Variants in FNDC3A observed in about 807,000 individuals in gnomAD.
The protein encoded by FNDC3A is fibronectin type-III domain-containing protein 3A.
Under a neutral mutation model 148.9 loss-of-function variants are expected in FNDC3A, and 32 were observed. The observed-to-expected ratio is 0.21, with a 90% CI of 0.16 to 0.29. FNDC3A has a LOEUF of 0.29. FNDC3A is among the 10% of genes least tolerant of loss of function. FNDC3A has a pLI of 1.00. For missense variants in FNDC3A, 1,191 were observed against 1,452.8 expected (o/e 0.82, Z 2.93); for synonymous variants, 472 against 473.6 (o/e 1.00, Z 0.04).
chr13:49,191,785 C>T (rs893184035), intron 19 of FNDC3A, among the ~76,000 whole-genome samples: 1 of 152,032 alleles, frequency 6.6e-6, no homozygotes, highest in South Asian at 2.1e-4. Context: ...CATTTACTTT[C>T]AGTTGGCAAC....
chr13:49,114,807 T>C, intron 4 of FNDC3A, 76 bp downstream of exon 4: 1 of 1,071,352 alleles, frequency 9.3e-7, no homozygotes, highest in East Asian at 2.4e-5. Flanking sequence ...TTGATTTTGA[T>C]TTAAAAAAAC....
chr13:49,200,456 T>C (rs1217287421), intron 23 of FNDC3A, among the ~76,000 whole-genome samples: 1 of 152,164 alleles, frequency 6.6e-6, no homozygotes, highest in African/African-American at 2.4e-5. Flanking sequence ...ATTTGCCTTG[T>C]ACAGGTTTTT....
chr13:48,987,230 A>T (rs1951823692), intron 1 of FNDC3A, among the ~76,000 whole-genome samples: 1 of 152,252 alleles, frequency 6.6e-6, no homozygotes, highest in Non-Finnish European at 1.5e-5. Flanking sequence ...TGCTCCAAAG[A>T]CACTAGACAG....
At chr13:49,185,697 C>T (rs1885531780) in intron 14 of FNDC3A, among the ~76,000 whole-genome samples, 1 of 152,092 alleles carries the variant, frequency 6.6e-6, no homozygotes, top group Non-Finnish European at 1.5e-5. Flanking sequence ...TAGCTTGTTC[C>T]TCTGATTCTT....
chr13:49,198,074 A>C lies in FNDC3A; in HGVS notation c.2583A>C (p.Glu861Asp). ...CTGGCATTGTGACCTGTCTTCAAGA[A>C]ATAAGCGATGATGAGATAGAAAATC... is the stretch of plus-strand genomic sequence containing the variant. ...SVPGIVTCLQ[E>D]ISDDEIENPH... is the part of the protein sequence containing the mutation. Residue 861 changes from glutamate (E) to aspartate (D), a missense_variant, in exon 22 of 26, where the codon GAA (glutamate) becomes GAC (aspartate). Physicochemically the swap from Glu to Asp is conservative, Grantham distance 45 (BLOSUM62 2). This residue lies in a region of FNDC3A where 751 missense variants were observed against 944.0 expected (regional missense o/e 0.80). Transcript: ENST00000492622. 1 of 1,614,188 alleles carries C rather than the reference A, an allele frequency of 6.2e-7. No homozygotes were observed.
intron 2 of FNDC3A, among the ~76,000 whole-genome samples, chr13:49,016,882 GTTGT>G (rs1872834454): frequency 6.6e-6 from 1 of 150,694 alleles, no homozygotes; most frequent in Non-Finnish European, 1.5e-5. Context: ...TCAGGAGCAG[GTTGT>G]TCAGTTTCCA....
At chr13:49,065,381 A>G (rs1429668676) in intron 2 of FNDC3A, among the ~76,000 whole-genome samples, 1 of 152,244 alleles carries the variant, frequency 6.6e-6, no homozygotes, top group Non-Finnish European at 1.5e-5. Context: ...AGGACTACAC[A>G]ATATGTAATA....
At chr13:49,021,325 C>T (rs1873309599) in intron 2 of FNDC3A, among the ~76,000 whole-genome samples, 1 of 152,144 alleles carries the variant, frequency 6.6e-6, no homozygotes, top group African/African-American at 2.4e-5. Flanking sequence ...AACCAACTGC[C>T]ACTGATTGTT....
chr13:49,068,567 G>T (rs1289978376), intron 2 of FNDC3A, among the ~76,000 whole-genome samples: 1 of 152,050 alleles, frequency 6.6e-6, no homozygotes, highest in African/African-American at 2.4e-5. Flanking sequence ...CAAAAGAATA[G>T]AAATTGTTCT....
At chr13:49,191,931 C>T (rs770073166) in intron 19 of FNDC3A, among the ~76,000 whole-genome samples, 32 of 152,134 alleles carry the variant, frequency 2.1e-4, no homozygotes, top group Non-Finnish European at 3.8e-4. Flanking sequence ...TAGGTGATAT[C>T]TCCATTTCAC....
At chr13:49,170,739 T>A (rs1884712176) in intron 10 of FNDC3A, among the ~76,000 whole-genome samples, 1 of 152,188 alleles carries the variant, frequency 6.6e-6, no homozygotes, top group Admixed American at 6.5e-5. Flanking sequence ...TTCATAGAGT[T>A]GATTGGAGGA....
intron 17 of FNDC3A, 82 bp downstream of exon 17, chr13:49,188,715 T>C (rs940796860): frequency 4.8e-6 from 4 of 830,614 alleles, no homozygotes; most frequent in African/African-American, 3.4e-5. Flanking sequence ...ACTTCAAATA[T>C]TGAAACATAT....
chr13:49,139,650 CTTTA>C (rs762306254), intron 7 of FNDC3A, among the ~76,000 whole-genome samples: 8 of 152,096 alleles, frequency 5.3e-5, no homozygotes, highest in Non-Finnish European at 1.2e-4. Flanking sequence ...CTCTAGCTTT[CTTTA>C]TTCTAATCTG....
At chr13:49,004,456 G>T (rs890627704) in intron 1 of FNDC3A, among the ~76,000 whole-genome samples, 1 of 151,962 alleles carries the variant, frequency 6.6e-6, no homozygotes, top group African/African-American at 2.4e-5. Flanking sequence ...TGACCAATGG[G>T]TTGAAAATTT....
At chr13:49,113,799 A>G (rs747825730) in intron 3 of FNDC3A, among the ~76,000 whole-genome samples, 4 of 152,194 alleles carry the variant, frequency 2.6e-5, no homozygotes, top group East Asian at 1.9e-4. Flanking sequence ...GGGGTAAGAG[A>G]CTTTTTTAAA....
chr13:49,178,284 C>A lies in FNDC3A; in HGVS notation c.1531-284C>A, dbSNP rs75521384. 4.6e-3 allele frequency among the ~76,000 whole-genome samples: 706 copies of A among 152,292 alleles called. 7 individuals carry two copies. The highest frequency in any genetic ancestry group is 0.016 in the African/African-American group (679 of 41,556). ...CTGATGGTGAAGTTACCATTGGCTC[C>A]AACTCTATAAACTCTTCCCTCAACA... On this transcript the variant is annotated intron_variant, in intron 13 of 25. Transcript: ENST00000492622.
At chr13:49,097,252 A>G (rs950303413) in intron 3 of FNDC3A, among the ~76,000 whole-genome samples, 3 of 151,960 alleles carry the variant, frequency 2.0e-5, no homozygotes, top group African/African-American at 4.8e-5. Flanking sequence ...AAGAAGAACT[A>G]TGAGAACAAC....
intron 1 of FNDC3A, among the ~76,000 whole-genome samples, chr13:48,984,719 T>A (rs1347862478): frequency 6.6e-6 from 1 of 152,184 alleles, no homozygotes; most frequent in Non-Finnish European, 1.5e-5. Flanking sequence ...GGAGTCTCGC[T>A]CTGTCACCAG....
intron 9 of FNDC3A, among the ~76,000 whole-genome samples, chr13:49,167,593 C>A (rs1884543723): frequency 6.6e-6 from 1 of 151,862 alleles, no homozygotes; most frequent in Non-Finnish European, 1.5e-5. Context: ...GTGGTATCAG[C>A]TACTCGGAAG....
Sources: allele counts gnomAD v4.1 joint callset (sites outside exome capture counted in the v4.1 genomes callset), GRCh38; gene constraint gnomAD v4.1.1; regional missense constraint gnomAD v4.1.1; transcripts MANE v1.5; gene names NCBI Gene and HGNC (gene_info 2026-07-23, HGNC 2026-07-21).